Variants in ST18 observed in about 807,000 individuals in gnomAD.
ST18 encodes the protein ST18 C2H2C-type zinc finger transcription factor, also known as suppression of tumorigenicity 18 protein.
A neutral mutation model predicts 110.0 loss-of-function variants in ST18; 50 were observed. The ratio of observed to expected loss-of-function variants is 0.45; its 90% CI spans 0.36 to 0.58. The LOEUF (loss-of-function observed/expected upper bound fraction) is 0.58. Among genes scored for constraint, ST18 ranks in the 20% least tolerant of loss-of-function variants. The pLI is 0.00. For missense variants in ST18, 1,306 were observed against 1,280.1 expected, an observed-to-expected ratio of 1.02 and a Z score of -0.31; for synonymous variants, 461 against 452.4, an observed-to-expected ratio of 1.02 and a Z score of -0.24.
intron 8 of ST18, among the ~76,000 whole-genome samples, chr8:52,189,646 C>T (rs761011787): frequency 7.9e-5 from 12 of 152,130 alleles, no homozygotes; most frequent in East Asian, 1.9e-4. Context: ...GACCTATGGT[C>T]GTTTACTTGG....
At chr8:52,294,543 G>A (rs2139405789) in intron 2 of ST18, 1 of 152,420 alleles carries the variant, frequency 6.6e-6, no homozygotes, top group Admixed American at 6.5e-5. Flanking sequence ...AGACTCTGGA[G>A]AAGGCTCGGA....
chr8:52,234,693 A>AT (rs1442295569), intron 2 of ST18, among the ~76,000 whole-genome samples: 1 of 151,576 alleles, frequency 6.6e-6, no homozygotes, highest in Non-Finnish European at 1.5e-5. Flanking sequence ...ACCAACCCAA[A>AT]TGTCCATCAA....
At chr8:52,129,369 G>A (rs1050630856) in intron 22 of ST18, among the ~76,000 whole-genome samples, 2 of 147,914 alleles carry the variant, frequency 1.4e-5, no homozygotes, top group South Asian at 2.1e-4. Context: ...CAGAAAAATC[G>A]CTTGAACCTG....
At chr8:52,374,585 T>C (rs959164099) in intron 2 of ST18, among the ~76,000 whole-genome samples, 4 of 152,136 alleles carry the variant, frequency 2.6e-5, no homozygotes, top group Non-Finnish European at 4.4e-5. Context: ...GTTTGTTACA[T>C]AGGTAAATGT....
chr8:52,256,538 A>G (rs1308138463), intron 2 of ST18, among the ~76,000 whole-genome samples: 2 of 152,140 alleles, frequency 1.3e-5, no homozygotes, highest in African/African-American at 2.4e-5. Flanking sequence ...ATCTAATCTG[A>G]AAATTCCCAC....
Position 52,131,995 on chromosome 8 carries a change from G to A in ST18, c.2629C>T (p.Leu877=). 1 of 1,614,184 alleles carries A rather than the reference G, an allele frequency of 6.2e-7. No individual in the cohort carries two copies. The highest frequency in any genetic ancestry group is 8.5e-7 in the Non-Finnish European group (1 of 1,180,030). The part of the protein sequence containing the change: ...PHCPLPGCNG[L]GHVNNVFVTH... Reference sequence around the variant, plus strand: ...ACAAAAACATTATTTACATGGCCCAGCCCATTGCAGCCTGGCAAGGGACAA... The same window carrying A: ...ACAAAAACATTATTTACATGGCCCAACCCATTGCAGCCTGGCAAGGGACAA... The change falls in exon 22 of 26, where the codon CTG becomes TTG. Residue 877 remains leucine (L), a synonymous_variant. Coordinates refer to ENST00000689386, the MANE Select transcript of ST18 (RefSeq NM_001352837.2).
intron 15 of ST18, among the ~76,000 whole-genome samples, chr8:52,155,322 C>T (rs1394141222): frequency 6.6e-6 from 1 of 152,172 alleles, no homozygotes; most frequent in Non-Finnish European, 1.5e-5. Context: ...TTTAATTCCT[C>T]AAAGAGATAC....
chr8:52,230,693 T>A (rs1247478853), intron 2 of ST18, among the ~76,000 whole-genome samples: 1 of 152,180 alleles, frequency 6.6e-6, no homozygotes, highest in Non-Finnish European at 1.5e-5. Flanking sequence ...AATTCTCATG[T>A]GTTTCCACGC....
At chr8:52,354,476 T>C (rs1009311269) in intron 2 of ST18, among the ~76,000 whole-genome samples, 2 of 152,038 alleles carry the variant, frequency 1.3e-5, no homozygotes, top group African/African-American at 2.4e-5. Context: ...CCTGAGTAAA[T>C]GAAAGATGAA....
chr8:52,136,884 T>A (rs1489539268), intron 18 of ST18, among the ~76,000 whole-genome samples: 1 of 152,178 alleles, frequency 6.6e-6, no homozygotes, highest in Non-Finnish European at 1.5e-5. Flanking sequence ...TGAATGACTT[T>A]AGCCCAATGA....
intron 2 of ST18, among the ~76,000 whole-genome samples, chr8:52,355,611 G>A (rs889901789): frequency 2.0e-5 from 3 of 152,136 alleles, no homozygotes; most frequent in African/African-American, 4.8e-5. Context: ...TTTGGAATTC[G>A]GTCAAAAACT....
intron 2 of ST18, among the ~76,000 whole-genome samples, chr8:52,299,387 A>G (rs1382823584): frequency 6.6e-6 from 1 of 152,054 alleles, no homozygotes; most frequent in Non-Finnish European, 1.5e-5. Context: ...TCACATTTTT[A>G]TTACTAGTTG....
chr8:52,189,861 C>T (rs1305512819), intron 8 of ST18, among the ~76,000 whole-genome samples: 2 of 152,172 alleles, frequency 1.3e-5, no homozygotes, highest in Admixed American at 6.6e-5. Flanking sequence ...CTGGTCTCTG[C>T]ATGTATAATT....
At chr8:52,206,340 T>C (rs1249531705) in intron 8 of ST18, 1 of 152,252 alleles carries the variant, frequency 6.6e-6, no homozygotes, top group Non-Finnish European at 1.5e-5. Context: ...TACATAAACA[T>C]ACAAGAGCAT....
intron 3 of ST18, among the ~76,000 whole-genome samples, chr8:52,228,836 A>G (rs2090392048): frequency 6.6e-6 from 1 of 152,140 alleles, no homozygotes; most frequent in Non-Finnish European, 1.5e-5. Flanking sequence ...AGGTCTCTGC[A>G]GCAGAGACCT....
rs546687961 is a variant in ST18 at position 52,207,985 on chromosome 8, C to T, written c.86+4094G>A. 3.3e-5 allele frequency among the ~76,000 whole-genome samples: 5 copies of T among 152,232 alleles called. No individual in the cohort carries two copies. The South Asian group carries it at 6.2e-4, about 19-fold the overall frequency. On this transcript the variant is annotated intron_variant, in intron 8 of 25. Coordinates refer to ENST00000689386, the MANE Select transcript of ST18 (RefSeq NM_001352837.2). The stretch of plus-strand genomic sequence containing the variant: ...TTAGAAAGACACAGGTGAGTCTTCT[C>T]GACACCACCTGTAACTTGAATTGTG...
intron 2 of ST18, among the ~76,000 whole-genome samples, chr8:52,366,225 C>T (rs940901125): frequency 6.6e-6 from 1 of 152,146 alleles, no homozygotes; most frequent in Admixed American, 6.5e-5. Flanking sequence ...ACTGCCCCTA[C>T]TTCCCACCTC....
At chr8:52,401,044 G>T (rs563655137) in intron 2 of ST18, among the ~76,000 whole-genome samples, 37 of 152,144 alleles carry the variant, frequency 2.4e-4, no homozygotes, top group African/African-American at 7.0e-4. Context: ...TGCTTCTCTG[G>T]CAAAGACTTT....
intron 2 of ST18, among the ~76,000 whole-genome samples, chr8:52,358,917 A>C (rs1006962417): frequency 6.6e-6 from 1 of 152,012 alleles, no homozygotes; most frequent in Non-Finnish European, 1.5e-5. Flanking sequence ...CAGAAGAAAA[A>C]AACAAAAACC....
Sources: allele counts gnomAD v4.1 joint callset (sites outside exome capture counted in the v4.1 genomes callset), GRCh38; gene constraint gnomAD v4.1.1; transcripts MANE v1.5; gene names NCBI Gene and HGNC (gene_info 2026-07-23, HGNC 2026-07-21).